The following RASGRP3 variants were observed in gnomAD, a reference collection of about 807,000 sequenced individuals.
RASGRP3 encodes ras guanyl-releasing protein 3.
RASGRP3 carries 54 observed loss-of-function variants against 82.7 expected under a neutral mutation model. The ratio of observed to expected loss-of-function variants is 0.65; its 90% CI spans 0.52 to 0.82. The LOEUF is 0.82. RASGRP3 is among the 40% of genes least tolerant of loss of function. RASGRP3 has a pLI of 0.00. For missense variants in RASGRP3, 861 were observed against 828.9 expected (o/e 1.04, Z -0.48); for synonymous variants, 309 against 300.5 (o/e 1.03, Z -0.29).
At chr2:33,519,190 A>T (rs915909232) in intron 4 of RASGRP3, among the ~76,000 whole-genome samples, 4 of 152,216 alleles carry the variant, frequency 2.6e-5, no homozygotes, top group African/African-American at 4.8e-5. Flanking sequence ...ACCAGGCAAT[A>T]GGAATTTTTC....
chr2:33,549,717 T>G lies in RASGRP3; in HGVS notation c.1508T>G (p.Leu503Arg). ...CATAATTTTCAGGAGATGACCTATC[T>G]CAAGCCAACCTTCTGCGAACACTGT... ...FIHNFQEMTY[L>R]KPTFCEHCAG... The change falls in exon 14 of 18, where the codon CTC (leucine) becomes CGC (arginine). Residue 503 changes from leucine (L) to arginine (R), a missense_variant. Coordinates refer to ENST00000403687, the MANE Select transcript of RASGRP3 (RefSeq NM_001139488.2). 6.2e-7 allele frequency: 1 copy of G among 1,614,030 alleles called. No individual in the cohort carries two copies. Among genetic ancestry groups the G allele is most frequent in the Non-Finnish European group, 8.5e-7 (1 of 1,179,886 alleles).
upstream of RASGRP3, chr2:33,476,295 A>G (rs1342582397): frequency 6.6e-6 from 1 of 152,220 alleles, no homozygotes; most frequent in East Asian, 1.9e-4. Flanking sequence ...GCCCCAGTGA[A>G]ACTTGAGTGA....
chr2:33,532,993 CCTT>C (rs1174259392), intron 10 of RASGRP3: 4 of 152,122 alleles, frequency 2.6e-5, no homozygotes, highest in Admixed American at 6.5e-5. Context: ...CTGGCTTCCT[CCTT>C]CTTTCTTTTC....
At chr2:33,482,493 C>T (rs2150941064) in intron 1 of RASGRP3, 1 of 152,298 alleles carries the variant, frequency 6.6e-6, no homozygotes, top group South Asian at 2.1e-4. Context: ...ACGCTCCTTG[C>T]CCAACAAAAC....
At chr2:33,558,151 C>A (rs1676217300) in intron 15 of RASGRP3, 60 bp from the exon 16 acceptor site, 2 of 1,574,078 alleles carry the variant, frequency 1.3e-6, no homozygotes, top group Admixed American at 3.7e-5. Context: ...AAGTGCCACC[C>A]TGGAAACTGA....
At chr2:33,497,407 T>C (rs1669427169) in intron 1 of RASGRP3, among the ~76,000 whole-genome samples, 1 of 152,222 alleles carries the variant, frequency 6.6e-6, no homozygotes, top group South Asian at 2.1e-4. Flanking sequence ...CTCTTTTTAA[T>C]TTTAGTCCCA....
intron 1 of RASGRP3, among the ~76,000 whole-genome samples, chr2:33,440,313 C>T (rs1369745330): frequency 1.3e-5 from 2 of 152,210 alleles, no homozygotes; most frequent in African/African-American, 4.8e-5. Flanking sequence ...CATCTATCGG[C>T]AGGTTCCATT....
intron 12 of RASGRP3, among the ~76,000 whole-genome samples, chr2:33,543,248 C>G (rs915275806): frequency 1.3e-5 from 2 of 152,174 alleles, no homozygotes; most frequent in African/African-American, 4.8e-5. Context: ...CTCTTGGGCT[C>G]AAGTGATCTT....
chr2:33,490,302 T>A (rs1212369331), intron 1 of RASGRP3, among the ~76,000 whole-genome samples: 1 of 152,184 alleles, frequency 6.6e-6, no homozygotes, highest in Non-Finnish European at 1.5e-5. Flanking sequence ...CTAAACAAAC[T>A]TGTTGAGCTC....
intron 1 of RASGRP3, among the ~76,000 whole-genome samples, chr2:33,478,802 T>C (rs182552962): frequency 1.3e-5 from 2 of 152,340 alleles, no homozygotes; most frequent in East Asian, 3.9e-4. Flanking sequence ...GCTTCCATCA[T>C]AATTTCAACG....
intron 13 of RASGRP3, among the ~76,000 whole-genome samples, chr2:33,547,073 A>AG (rs1422766190): frequency 3.5e-4 from 48 of 138,898 alleles, no homozygotes; most frequent in African/African-American, 6.7e-4. Flanking sequence ...AAAAAAAAAA[A>AG]AGAGAGAGAG....
intron 2 of RASGRP3, among the ~76,000 whole-genome samples, chr2:33,453,894 G>A (rs978856561): frequency 6.6e-6 from 1 of 152,148 alleles, no homozygotes; most frequent in Non-Finnish European, 1.5e-5. Flanking sequence ...ATCAATAAAA[G>A]TGGGGGTTTT....
intron 2 of RASGRP3, among the ~76,000 whole-genome samples, chr2:33,456,026 G>A (rs1160179645): frequency 2.0e-5 from 3 of 152,044 alleles, no homozygotes; most frequent in Non-Finnish European, 4.4e-5. Context: ...ATTTTTCTTT[G>A]CCAGTTCTCT....
intron 7 of RASGRP3, among the ~76,000 whole-genome samples, chr2:33,522,386 G>T: frequency 6.6e-6 from 1 of 152,154 alleles, no homozygotes; most frequent in Admixed American, 6.5e-5. Flanking sequence ...ACCATTCAAG[G>T]TTGATTTAGC....
chr2:33,554,486 T>G (rs1366336752), intron 14 of RASGRP3, among the ~76,000 whole-genome samples: 1 of 152,210 alleles, frequency 6.6e-6, no homozygotes, highest in African/African-American at 2.4e-5. Flanking sequence ...CTCTTCTTTT[T>G]TTTTGAGATG....
intron 2 of RASGRP3, among the ~76,000 whole-genome samples, chr2:33,448,908 AC>A: frequency 1.3e-5 from 2 of 152,356 alleles, no homozygotes; most frequent in South Asian, 4.1e-4. Flanking sequence ...GTTTCAATAA[AC>A]CTATTTTAAA....
At chr2:33,449,417 A>T (rs11684415) in intron 2 of RASGRP3, among the ~76,000 whole-genome samples, 52,153 of 152,100 alleles carry the variant, frequency 0.34, 10,744 homozygotes, top group Non-Finnish European at 0.46. Flanking sequence ...GAATCTAGAA[A>T]AAACCATGTT....
intron 2 of RASGRP3, among the ~76,000 whole-genome samples, chr2:33,513,448 C>G (rs1187559766): frequency 6.6e-6 from 1 of 152,204 alleles, no homozygotes; most frequent in Non-Finnish European, 1.5e-5. Context: ...ATTTGTTCAT[C>G]TTGGCAGCCT....
intron 2 of RASGRP3, among the ~76,000 whole-genome samples, chr2:33,457,402 A>C (rs994505638): frequency 2.0e-5 from 3 of 152,186 alleles, no homozygotes; most frequent in Non-Finnish European, 4.4e-5. Context: ...TTATTGTAAT[A>C]AAAATGGGGC....
Sources: gnomAD v4.1 joint callset for allele counts (sites outside exome capture counted in the v4.1 genomes callset) on GRCh38, gnomAD v4.1.1 for gene constraint, MANE v1.5 for transcripts, NCBI Gene and HGNC (gene_info 2026-07-23, HGNC 2026-07-21) for gene names.